DSCAML1: variants seen among roughly 807,000 people sequenced by gnomAD.
DSCAML1 encodes DS cell adhesion molecule like 1.
DSCAML1 carries 38 observed loss-of-function variants against 200.5 expected under a neutral mutation model. That is an observed-to-expected ratio of 0.19 (90% CI 0.15 to 0.25). The LOEUF (loss-of-function observed/expected upper bound fraction) is 0.25. DSCAML1 is among the 10% of genes least tolerant of loss of function. The pLI, the probability that DSCAML1 is intolerant of heterozygous loss-of-function variation, is 1.00. For missense variants in DSCAML1, 2,223 were observed against 2,858.8 expected, an observed-to-expected ratio of 0.78 and a Z score of 5.07; for synonymous variants, 1,215 against 1,165.0, an observed-to-expected ratio of 1.04 and a Z score of -0.87.
chr11:117,710,522 G>A (rs1305695093), intron 3 of DSCAML1, among the ~76,000 whole-genome samples: 1 of 152,096 alleles, frequency 6.6e-6, no homozygotes, highest in East Asian at 1.9e-4. Flanking sequence ...TTATCCTTAG[G>A]GACTAGCACT....
At chr11:117,546,474 G>A (rs2050375689) in intron 3 of DSCAML1, among the ~76,000 whole-genome samples, 1 of 152,164 alleles carries the variant, frequency 6.6e-6, no homozygotes, top group South Asian at 2.1e-4. Flanking sequence ...AACTTGACCT[G>A]GATCTCAGTC....
chr11:117,481,292 C>T lies in DSCAML1; in HGVS notation c.2560-22G>A, dbSNP rs757684063. Reference sequence around the variant, plus strand: ...TGAGCTGGGAGACCACCAGCAGGGGCAGGAGAGGGAGTAAACAGGGAGAGT... The same window carrying T: ...TGAGCTGGGAGACCACCAGCAGGGGTAGGAGAGGGAGTAAACAGGGAGAGT... On this transcript the variant is annotated intron_variant, in intron 12 of 32. Transcript: ENST00000651296. 100 of 1,611,992 alleles carry T rather than the reference C, an allele frequency of 6.2e-5. 1 individual carries two copies. In the East Asian group the frequency reaches 2.1e-3, roughly 35 times the overall value.
At chr11:117,681,357 G>A (rs1185784305) in intron 3 of DSCAML1, among the ~76,000 whole-genome samples, 2 of 152,194 alleles carry the variant, frequency 1.3e-5, no homozygotes, top group Non-Finnish European at 2.9e-5. Flanking sequence ...TTTAACAAGC[G>A]CTCTGGGTGA....
intron 1 of DSCAML1, among the ~76,000 whole-genome samples, chr11:117,803,321 C>T (rs1460010804): frequency 1.3e-5 from 2 of 151,926 alleles, no homozygotes; most frequent in Non-Finnish European, 2.9e-5. Flanking sequence ...CAAAAGCCAG[C>T]TTATGTAAAG....
intron 3 of DSCAML1, among the ~76,000 whole-genome samples, chr11:117,677,437 C>CTG (rs1045839043): frequency 6.6e-6 from 1 of 152,028 alleles, no homozygotes; most frequent in African/African-American, 2.4e-5. Flanking sequence ...TGGGTCCCAT[C>CTG]TGTGGTCCTG....
chr11:117,492,636 A>G (rs974201388), intron 11 of DSCAML1, among the ~76,000 whole-genome samples: 4 of 152,134 alleles, frequency 2.6e-5, no homozygotes, highest in Non-Finnish European at 4.4e-5. Context: ...CTCCTTGTTA[A>G]CAAGTTCCCG....
At chr11:117,775,813 T>C (rs1230261181) in intron 3 of DSCAML1, among the ~76,000 whole-genome samples, 1 of 152,096 alleles carries the variant, frequency 6.6e-6, no homozygotes, top group Non-Finnish European at 1.5e-5. Context: ...ACCCCTGCTT[T>C]ACAGGTTCCA....
chr11:117,455,991 G>A (rs781452076), intron 19 of DSCAML1, among the ~76,000 whole-genome samples: 20 of 152,308 alleles, frequency 1.3e-4, no homozygotes, highest in South Asian at 1.2e-3. Flanking sequence ...AGGGTATGTC[G>A]TGCTTGGGGT....
intron 3 of DSCAML1, among the ~76,000 whole-genome samples, chr11:117,581,946 A>G (rs2051046708): frequency 6.6e-6 from 1 of 152,112 alleles, no homozygotes; most frequent in Non-Finnish European, 1.5e-5. Context: ...ACTTCTGCCT[A>G]TATTTAAAGA....
At chr11:117,666,623 G>A (rs931552029) in intron 3 of DSCAML1, among the ~76,000 whole-genome samples, 1 of 152,168 alleles carries the variant, frequency 6.6e-6, no homozygotes, top group Non-Finnish European at 1.5e-5. Flanking sequence ...CTGCAGAACA[G>A]CCTCAGCCTC....
At chr11:117,643,247 T>G (rs2052447986) in intron 3 of DSCAML1, among the ~76,000 whole-genome samples, 1 of 152,184 alleles carries the variant, frequency 6.6e-6, no homozygotes, top group Non-Finnish European at 1.5e-5. Flanking sequence ...AAATAGCTTC[T>G]GAAAGGGTTC....
At chr11:117,742,669 G>C (rs1241961430) in intron 3 of DSCAML1, among the ~76,000 whole-genome samples, 2 of 152,208 alleles carry the variant, frequency 1.3e-5, no homozygotes, top group East Asian at 3.9e-4. Flanking sequence ...TGCACACACT[G>C]AGTTCCAGGT....
At chr11:117,691,043 C>T (rs145755695) in intron 3 of DSCAML1, among the ~76,000 whole-genome samples, 54 of 152,294 alleles carry the variant, frequency 3.5e-4, no homozygotes, top group African/African-American at 1.3e-3. Flanking sequence ...TCTCTGTCCC[C>T]CAGATGTGTA....
At chr11:117,485,119 G>A (rs963600488) in intron 11 of DSCAML1, among the ~76,000 whole-genome samples, 2 of 152,160 alleles carry the variant, frequency 1.3e-5, no homozygotes, top group Admixed American at 6.5e-5. Flanking sequence ...CCACAGCTTG[G>A]CCAATGAAGC....
At chr11:117,477,129 C>T (rs868109335) in intron 14 of DSCAML1, among the ~76,000 whole-genome samples, 2 of 151,770 alleles carry the variant, frequency 1.3e-5, no homozygotes, top group African/African-American at 4.8e-5. Context: ...GACACTTGGT[C>T]AGCCCAAGTC....
intron 16 of DSCAML1, among the ~76,000 whole-genome samples, chr11:117,467,636 T>C (rs1424696262): frequency 6.6e-6 from 1 of 151,520 alleles, no homozygotes; most frequent in African/African-American, 2.4e-5. Context: ...TGTGTGTGTG[T>C]GTTTAATTGA....
rs117539179 is a variant in DSCAML1 at position 117,699,367 on chromosome 11, C to T, written c.511+77424G>A. Reference sequence around the variant, plus strand: ...AATGTGAAGAGGAGTTAGGTCCAGGCGAGTGGCTCAGAAATGAGAATGTGA... The same window carrying T: ...AATGTGAAGAGGAGTTAGGTCCAGGTGAGTGGCTCAGAAATGAGAATGTGA... On this transcript the variant is annotated intron_variant, in intron 3 of 32. Transcript: ENST00000651296. 3.1e-3 allele frequency among the ~76,000 whole-genome samples: 476 copies of T among 152,174 alleles called. 1 individual carries two copies. Among genetic ancestry groups the T allele is most frequent in the East Asian group, 0.014 (70 of 5,170 alleles).
intron 3 of DSCAML1, among the ~76,000 whole-genome samples, chr11:117,567,783 C>A (rs1386149485): frequency 1.3e-5 from 2 of 152,128 alleles, no homozygotes; most frequent in Non-Finnish European, 2.9e-5. Context: ...CAGCCGAATT[C>A]TATCAGAGGT....
rs1163046110 is a variant in DSCAML1 at position 117,780,292 on chromosome 11, GAA to G, written c.364+199_364+200del. Among the ~76,000 whole-genome samples, 4 of 101,532 alleles carry G rather than the reference GAA, an allele frequency of 3.9e-5. No homozygotes were observed. The highest frequency in any genetic ancestry group is 1.9e-4 in the Admixed American group (2 of 10,680). 66.6% of individuals were successfully genotyped at this position (101,532 alleles called of 152,430 possible). On this transcript the variant is annotated intron_variant, in intron 2 of 32. Transcript: ENST00000651296. The surrounding 1 kb of genome is among the most constrained non-coding windows in gnomAD (Gnocchi z 4.8). ...AGAAAGAAAGAAAGAAAGAAAGAAA[GAA>G]AGAAAGAAAGAGAGAAAGGAGAAAG... is the stretch of plus-strand genomic sequence containing the variant.
Sources: allele counts gnomAD v4.1 joint callset (sites outside exome capture counted in the v4.1 genomes callset), GRCh38; gene constraint gnomAD v4.1.1; non-coding constraint Gnocchi (gnomAD v3.1); transcripts MANE v1.5; gene names NCBI Gene and HGNC (gene_info 2026-07-23, HGNC 2026-07-21).